SMOC2: variants seen among roughly 807,000 people sequenced by gnomAD.
SMOC2 encodes the protein SPARC related modular calcium binding 2.
Under a neutral mutation model 61.4 loss-of-function variants are expected in SMOC2, and 39 were observed. That is an observed-to-expected ratio of 0.64 (90% CI 0.49 to 0.83). The LOEUF (loss-of-function observed/expected upper bound fraction) is 0.83. Among genes scored for constraint, SMOC2 ranks in the 40% least tolerant of loss-of-function variants. The pLI, the probability that SMOC2 is intolerant of heterozygous loss-of-function variation, is 0.00. For synonymous variants in SMOC2, 247 were observed against 239.9 expected, an observed-to-expected ratio of 1.03 and a Z score of -0.27; for missense variants, 556 against 592.9, an observed-to-expected ratio of 0.94 and a Z score of 0.65.
At chr6:168,463,241 C>T (rs1025998391) in intron 1 of SMOC2, among the ~76,000 whole-genome samples, 5 of 152,284 alleles carry the variant, frequency 3.3e-5, no homozygotes, top group East Asian at 1.9e-4. Context: ...CCCCTTTTCC[C>T]GTACTTACCC....
intron 1 of SMOC2, among the ~76,000 whole-genome samples, chr6:168,474,226 T>C (rs892124287): frequency 5.9e-5 from 9 of 152,112 alleles, no homozygotes; most frequent in African/African-American, 1.7e-4. Flanking sequence ...CTGCACGTTT[T>C]ATGGGGGAGG....
At chr6:168,534,840 C>T (rs879364946) in intron 4 of SMOC2, among the ~76,000 whole-genome samples, 11 of 152,100 alleles carry the variant, frequency 7.2e-5, no homozygotes, top group Non-Finnish European at 1.6e-4. Context: ...TGACTTTTCG[C>T]TCCTGTTTTC....
intron 2 of SMOC2, among the ~76,000 whole-genome samples, chr6:168,518,543 G>A (rs571351300): frequency 2.0e-5 from 3 of 151,866 alleles, no homozygotes; most frequent in African/African-American, 7.3e-5. Flanking sequence ...GTGAGAGCGT[G>A]TGTATGCTTG....
chr6:168,526,245 A>G (rs1583080999), intron 2 of SMOC2, 101 bp from the exon 3 acceptor site: 1 of 1,047,004 alleles, frequency 9.6e-7, no homozygotes, highest in East Asian at 2.5e-5. Context: ...GGTCCTCAGC[A>G]CTCCTGCCTA....
intron 4 of SMOC2, among the ~76,000 whole-genome samples, chr6:168,528,485 G>C (rs953721224): frequency 1.3e-5 from 2 of 152,058 alleles, no homozygotes; most frequent in African/African-American, 2.4e-5. Context: ...GTCTCTCCCT[G>C]TTTCTCATGT....
intron 9 of SMOC2, among the ~76,000 whole-genome samples, chr6:168,625,775 T>C (rs1255383580): frequency 6.6e-6 from 1 of 152,176 alleles, no homozygotes; most frequent in African/African-American, 2.4e-5. Flanking sequence ...ACCTGCTTCT[T>C]CCCTTTGCAA....
At position 168,464,186 on chromosome 6, in the gene SMOC2, CA is replaced by C. The variant is rs61434310; in HGVS notation, c.84+22748del. Among the ~76,000 whole-genome samples, 744 of 112,342 alleles carry C rather than the reference CA, an allele frequency of 6.6e-3. 9 individuals carry two copies. The highest frequency in any genetic ancestry group is 0.021 in the East Asian group (81 of 3,870). The allele number at this position is 112,342 out of a possible 152,430, so 73.7% of individuals were successfully genotyped here. A position where few individuals can be genotyped will look rare whatever the true frequency, so the allele number is the denominator to read the frequency against. On this transcript the variant is annotated intron_variant, in intron 1 of 12. Coordinates refer to ENST00000356284, the MANE Select transcript of SMOC2 (RefSeq NM_001166412.2). Reference sequence around the variant, plus strand: ...ATCCTGGGCAACAGAGCAAGACTGTCAAAAAAAAAAAAAAAAGAGGAAGGAA... The same window carrying C: ...ATCCTGGGCAACAGAGCAAGACTGTCAAAAAAAAAAAAAAAGAGGAAGGAA...
chr6:168,543,175 G>T (rs1422740133), intron 4 of SMOC2, among the ~76,000 whole-genome samples: 1 of 152,152 alleles, frequency 6.6e-6, no homozygotes, highest in East Asian at 1.9e-4. Context: ...TCTACCAAAA[G>T]GTAGTTCCTC....
At chr6:168,664,745 GTGGT>G (rs1562414285) in intron 12 of SMOC2, 1 of 471,136 alleles carries the variant, frequency 2.1e-6, no homozygotes, top group Non-Finnish European at 4.4e-6. Context: ...GGATGCAATG[GTGGT>G]GTCCTCCAGA....
At chr6:168,455,054 G>A (rs945054959) in intron 1 of SMOC2, among the ~76,000 whole-genome samples, 1 of 152,186 alleles carries the variant, frequency 6.6e-6, no homozygotes, top group Non-Finnish European at 1.5e-5. Context: ...CAGGACAGGA[G>A]GGGAGGGCTT....
Position 168,667,123 on chromosome 6 carries a change from G to C in SMOC2, c.*685G>C, listed in dbSNP as rs1787680153. 6.6e-6 allele frequency: 1 copy of C among 152,298 alleles called. No homozygotes were observed. The highest frequency in any genetic ancestry group is 1.5e-5 in the Non-Finnish European group (1 of 68,118). The allele number at this position is 152,298 out of a possible 1,614,324, so 9.4% of individuals were successfully genotyped here. ...TGTTTTGAGTTTTGCCCTGGGGCTT[G>C]AATGAGTCCCAGAGAGTCGTTCGGA... On this transcript the variant is annotated 3_prime_UTR_variant, in exon 13 of 13. Coordinates refer to ENST00000356284, the MANE Select transcript of SMOC2 (RefSeq NM_001166412.2).
At chr6:168,465,856 G>A (rs1781820076) in intron 1 of SMOC2, among the ~76,000 whole-genome samples, 2 of 129,736 alleles carry the variant, frequency 1.5e-5, no homozygotes, top group Admixed American at 7.7e-5. Flanking sequence ...ATGAAGCGAC[G>A]TGCTGCTCTG....
chr6:168,560,427 T>C (rs562206946), intron 7 of SMOC2, among the ~76,000 whole-genome samples: 5 of 152,344 alleles, frequency 3.3e-5, no homozygotes, highest in East Asian at 1.9e-4. Context: ...GTCTTCAAGG[T>C]CATATTTATT....
chr6:168,558,929 ACGTGTGTG>A (rs768371670), intron 7 of SMOC2, among the ~76,000 whole-genome samples: 3 of 151,188 alleles, frequency 2.0e-5, no homozygotes, highest in Non-Finnish European at 3.0e-5. Context: ...GCTTGTGCGC[ACGTGTGTG>A]CGTGTGCATG....
intron 4 of SMOC2, among the ~76,000 whole-genome samples, chr6:168,541,258 G>C (rs1783871885): frequency 6.6e-6 from 1 of 152,172 alleles, no homozygotes; most frequent in Non-Finnish European, 1.5e-5. Context: ...CAAGGCTGAG[G>C]GGGATCACTT....
intron 9 of SMOC2, among the ~76,000 whole-genome samples, chr6:168,611,974 G>A (rs930123273): frequency 6.6e-6 from 1 of 152,198 alleles, no homozygotes; most frequent in African/African-American, 2.4e-5. Context: ...GGGTCCCTGG[G>A]GAGGTGGAGA....
intron 1 of SMOC2, among the ~76,000 whole-genome samples, chr6:168,450,151 C>T (rs1236670978): frequency 2.6e-5 from 4 of 152,184 alleles, no homozygotes; most frequent in South Asian, 2.1e-4. Context: ...TATGACATTA[C>T]GGCCCTTTCA....
chr6:168,442,181 G>A (rs1340913051), intron 1 of SMOC2, among the ~76,000 whole-genome samples: 3 of 152,280 alleles, frequency 2.0e-5, no homozygotes, highest in African/African-American at 4.8e-5. Flanking sequence ...ACTGGAGGCA[G>A]GCGGCGGCTC....
intron 1 of SMOC2, among the ~76,000 whole-genome samples, chr6:168,473,184 G>GCGT (rs1782002828): frequency 1.3e-5 from 2 of 152,198 alleles, no homozygotes; most frequent in African/African-American, 4.8e-5. Flanking sequence ...TGGGATCAGG[G>GCGT]CTGAGACCAC....
Sources: allele counts gnomAD v4.1 joint callset (sites outside exome capture counted in the v4.1 genomes callset), GRCh38; gene constraint gnomAD v4.1.1; transcripts MANE v1.5; gene names NCBI Gene and HGNC (gene_info 2026-07-23, HGNC 2026-07-21).